Variants in PDE1C observed in about 807,000 individuals in gnomAD.
The protein encoded by PDE1C is phosphodiesterase 1C.
Under a neutral mutation model 93.1 loss-of-function variants are expected in PDE1C, and 62 were observed. The observed-to-expected ratio is 0.67, with a 90% CI of 0.54 to 0.82. PDE1C has a LOEUF of 0.82. PDE1C is among the 40% of genes least tolerant of loss of function. The pLI is 0.00. For synonymous variants in PDE1C, 325 were observed against 310.1 expected (o/e 1.05, Z -0.50); for missense variants, 742 against 884.6 (o/e 0.84, Z 2.04).
At chr7:31,995,076 AG>A (rs1784558996) in intron 2 of PDE1C, among the ~76,000 whole-genome samples, 1 of 152,226 alleles carries the variant, frequency 6.6e-6, no homozygotes, top group Non-Finnish European at 1.5e-5. Context: ...CCTGGAGACA[AG>A]CATCTTTGCT....
the PDE1C span, among the ~76,000 whole-genome samples, chr7:31,624,686 C>T: frequency 1.3e-5 from 2 of 150,292 alleles, no homozygotes; most frequent in Non-Finnish European, 3.0e-5. Flanking sequence ...AAAACCTAGG[C>T]ATTACCATTC....
chr7:32,142,320 A>G (rs1241740171), intron 3 of PDE1C, among the ~76,000 whole-genome samples: 7 of 152,190 alleles, frequency 4.6e-5, no homozygotes, highest in Non-Finnish European at 1.0e-4. Flanking sequence ...ATAACATCGC[A>G]ATAGCAGAAC....
intron 1 of PDE1C, among the ~76,000 whole-genome samples, chr7:32,410,993 T>C (rs1785159052): frequency 6.6e-6 from 1 of 152,182 alleles, no homozygotes; most frequent in Admixed American, 6.6e-5. Context: ...ACCTGACTGA[T>C]TCATAGACTA....
the PDE1C span, among the ~76,000 whole-genome samples, chr7:31,698,426 G>C: frequency 3.3e-5 from 5 of 152,054 alleles, no homozygotes; most frequent in Non-Finnish European, 7.3e-5. Context: ...AAGATGAATG[G>C]TGGGTTTTTG....
At chr7:32,007,594 C>G (rs753872871) in intron 2 of PDE1C, among the ~76,000 whole-genome samples, 2 of 152,186 alleles carry the variant, frequency 1.3e-5, no homozygotes, top group Non-Finnish European at 2.9e-5. Flanking sequence ...CAGGTCTTTG[C>G]CTTTTCTGTC....
At chr7:32,038,704 C>T (rs140835942) in intron 2 of PDE1C, among the ~76,000 whole-genome samples, 10 of 152,262 alleles carry the variant, frequency 6.6e-5, no homozygotes, top group African/African-American at 2.2e-4. Flanking sequence ...CAATGTTCCA[C>T]CCAAGCCAGT....
At chr7:32,021,595 T>C (rs566903559) in intron 2 of PDE1C, among the ~76,000 whole-genome samples, 2 of 152,216 alleles carry the variant, frequency 1.3e-5, no homozygotes, top group South Asian at 4.1e-4. Context: ...CCTTTTAAAA[T>C]AGTTTTTTTA....
intron 2 of PDE1C, among the ~76,000 whole-genome samples, chr7:32,207,609 T>C (rs1805680798): frequency 6.9e-6 from 1 of 145,688 alleles, no homozygotes; most frequent in Non-Finnish European, 1.5e-5. Flanking sequence ...ACTCAGGAGC[T>C]TTTTCGTTCT....
intron 1 of PDE1C, among the ~76,000 whole-genome samples, chr7:32,246,266 G>A (rs1404686713): frequency 3.9e-5 from 6 of 152,000 alleles, no homozygotes; most frequent in Admixed American, 3.3e-4. Flanking sequence ...ACCATTCCTG[G>A]CCATTCGACG....
intron 1 of PDE1C, among the ~76,000 whole-genome samples, chr7:32,331,285 C>T (rs149074293): frequency 1.1e-4 from 16 of 152,286 alleles, no homozygotes; most frequent in African/African-American, 3.6e-4. Flanking sequence ...TGACATGTGG[C>T]CTTGACTTAG....
At chr7:32,238,107 C>G (rs1027673025) in intron 1 of PDE1C, among the ~76,000 whole-genome samples, 18 of 152,034 alleles carry the variant, frequency 1.2e-4, no homozygotes, top group Admixed American at 1.0e-3. Context: ...CCAAGACAAT[C>G]CACAGACAAA....
the PDE1C span, among the ~76,000 whole-genome samples, chr7:31,645,139 A>T: frequency 6.6e-6 from 1 of 152,214 alleles, no homozygotes; most frequent in Non-Finnish European, 1.5e-5. Context: ...TTCAGATTCA[A>T]TTTGGGTAAC....
chr7:32,350,268 C>T (rs1188408641), intron 1 of PDE1C, among the ~76,000 whole-genome samples: 1 of 152,142 alleles, frequency 6.6e-6, no homozygotes, highest in Non-Finnish European at 1.5e-5. Flanking sequence ...TAACCTCCCT[C>T]CCTCCTGTAT....
At chr7:31,856,619 T>C (rs1794049352) in intron 7 of PDE1C, among the ~76,000 whole-genome samples, 1 of 151,442 alleles carries the variant, frequency 6.6e-6, no homozygotes, top group Admixed American at 6.6e-5. Context: ...TCCATTTTCA[T>C]CCTCATCACA....
At chr7:31,883,119 C>G (rs376370820) in intron 2 of PDE1C, among the ~76,000 whole-genome samples, 1 of 152,254 alleles carries the variant, frequency 6.6e-6, no homozygotes, top group South Asian at 2.1e-4. Context: ...AATTTAATAA[C>G]AGTACCAATT....
intron 2 of PDE1C, among the ~76,000 whole-genome samples, chr7:32,184,089 T>A (rs4302735): frequency 2.6e-5 from 4 of 151,926 alleles, no homozygotes; most frequent in Non-Finnish European, 5.9e-5. Flanking sequence ...AAGTCAAAAC[T>A]ACAATGAGAT....
intron 1 of PDE1C, among the ~76,000 whole-genome samples, chr7:32,239,147 TGCTCA>T (rs1164101953): frequency 1.3e-3 from 195 of 152,164 alleles, no homozygotes; most frequent in Non-Finnish European, 1.0e-4. Flanking sequence ...GGATCGCTTG[TGCTCA>T]GCTCAGGAGT....
At chr7:32,094,571 CAG>C (rs1797646699) in intron 3 of PDE1C, among the ~76,000 whole-genome samples, 1 of 152,206 alleles carries the variant, frequency 6.6e-6, no homozygotes, top group Non-Finnish European at 1.5e-5. Flanking sequence ...CAAACAGCCT[CAG>C]AGAGTGGCTA....
chr7:32,241,713 A>G (rs1482564667), intron 1 of PDE1C, among the ~76,000 whole-genome samples: 1 of 152,200 alleles, frequency 6.6e-6, no homozygotes, highest in African/African-American at 2.4e-5. Context: ...ATGAATAATC[A>G]GTCATGCAGT....
Sources: gnomAD v4.1 joint callset for allele counts (sites outside exome capture counted in the v4.1 genomes callset) on GRCh38, gnomAD v4.1.1 for gene constraint, MANE v1.5 for transcripts, NCBI Gene and HGNC (gene_info 2026-07-23, HGNC 2026-07-21) for gene names.